TMEM132D: variants seen among roughly 807,000 people sequenced by gnomAD.
The protein encoded by TMEM132D is transmembrane protein 132D.
A neutral mutation model predicts 62.3 loss-of-function variants in TMEM132D; 21 were observed. The ratio of observed to expected loss-of-function variants is 0.34; its 90% CI spans 0.24 to 0.49. The LOEUF is 0.49. TMEM132D is among the 20% of genes least tolerant of loss of function. The pLI is 0.99. For synonymous variants in TMEM132D, 621 were observed against 575.6 expected (o/e 1.08, Z -1.13); for missense variants, 1,346 against 1,402.8 (o/e 0.96, Z 0.65).
intron 2 of TMEM132D, among the ~76,000 whole-genome samples, chr12:129,594,175 T>G (rs1006352496): frequency 6.6e-6 from 1 of 152,178 alleles, no homozygotes; most frequent in African/African-American, 2.4e-5. Flanking sequence ...CCCAGCGCTT[T>G]CCCTGGTTAT....
intron 1 of TMEM132D, among the ~76,000 whole-genome samples, chr12:129,866,411 A>G (rs182465098): frequency 4.9e-5 from 6 of 122,562 alleles, no homozygotes; most frequent in Admixed American, 4.2e-4. Flanking sequence ...CATGGACACA[A>G]GGTGGGGAAC....
chr12:129,313,544 GAT>G (rs201591793), intron 4 of TMEM132D, among the ~76,000 whole-genome samples: 6 of 137,510 alleles, frequency 4.4e-5, no homozygotes, highest in Admixed American at 7.3e-5. Context: ...ATATGTATAT[GAT>G]ATATATATAT....
intron 2 of TMEM132D, among the ~76,000 whole-genome samples, chr12:129,696,865 C>T (rs142041071): frequency 6.6e-5 from 10 of 152,238 alleles, no homozygotes; most frequent in East Asian, 3.9e-4. Flanking sequence ...TGAAAGAAAG[C>T]GTTTTGCTTT....
At chr12:129,313,895 T>C (rs779905194) in intron 4 of TMEM132D, among the ~76,000 whole-genome samples, 17 of 152,178 alleles carry the variant, frequency 1.1e-4, no homozygotes, top group Non-Finnish European at 1.3e-4. Context: ...TCTTTTATTA[T>C]TGTCATTCTT....
chr12:129,822,917 CCCACTTGGATCT>C (rs1332131747), intron 1 of TMEM132D, among the ~76,000 whole-genome samples: 1 of 152,158 alleles, frequency 6.6e-6, no homozygotes, highest in Admixed American at 6.5e-5. Flanking sequence ...GCTCTGCGTT[CCCACTTGGATCT>C]CATGTTCATT....
intron 1 of TMEM132D, among the ~76,000 whole-genome samples, chr12:129,710,501 TGGCCA>T (rs1881614859): frequency 6.6e-6 from 1 of 152,142 alleles, no homozygotes; most frequent in African/African-American, 2.4e-5. Flanking sequence ...TTTGCCATGT[TGGCCA>T]GGCTGGTCTC....
rs549232845 is a variant in TMEM132D at position 129,678,346 on chromosome 12, G to A, written c.968+21464C>T. On this transcript the variant is annotated intron_variant, in intron 2 of 8. Transcript: ENST00000422113. ...CAGATTGCTTAATTTTGGCAATATG[G>A]TAATTATAACATTGAAGCATTATGG... Among the ~76,000 whole-genome samples the A allele has an allele frequency of 2.0e-5, 3 of 152,196 alleles. No homozygotes were observed. The South Asian group carries it at 6.2e-4, about 32-fold the overall frequency.
chr12:129,310,009 T>C (rs893767323), intron 4 of TMEM132D, among the ~76,000 whole-genome samples: 5 of 151,766 alleles, frequency 3.3e-5, no homozygotes, highest in African/African-American at 1.2e-4. Flanking sequence ...CCTAAGCATT[T>C]CCCAAAAAAA....
rs563701382 is a variant in TMEM132D, at chr12:129,130,435, G to C, written c.1444-45733C>G. The stretch of plus-strand genomic sequence containing the variant: ...CATCCTGACTCTGCCCCTCCCTTCT[G>C]CTGTGGAGGAACCCAAGCGCACTCT... On this transcript the variant is annotated intron_variant, in intron 5 of 8. Transcript: ENST00000422113. Among the ~76,000 whole-genome samples, 113 of 152,184 alleles carry C rather than the reference G, an allele frequency of 7.4e-4. 1 individual carries two copies. Among genetic ancestry groups the C allele is most frequent in the South Asian group, 1.2e-3 (6 of 4,808 alleles).
intron 2 of TMEM132D, among the ~76,000 whole-genome samples, chr12:129,644,147 A>G (rs1433851876): frequency 6.6e-6 from 1 of 152,100 alleles, no homozygotes; most frequent in Admixed American, 6.6e-5. Flanking sequence ...TCTTACACAT[A>G]TTGATTAATG....
chr12:129,313,422 A>G (rs913385309), intron 4 of TMEM132D, among the ~76,000 whole-genome samples: 1 of 152,110 alleles, frequency 6.6e-6, no homozygotes, highest in Non-Finnish European at 1.5e-5. Context: ...ACAATGTTTG[A>G]CTTTCCATTC....
At chr12:129,129,519 T>C (rs1194416649) in intron 5 of TMEM132D, among the ~76,000 whole-genome samples, 2 of 152,190 alleles carry the variant, frequency 1.3e-5, no homozygotes, top group Non-Finnish European at 2.9e-5. Context: ...GATGGGATTG[T>C]TGGGTTGAAT....
chr12:129,764,073 C>T (rs1406818646), intron 1 of TMEM132D, among the ~76,000 whole-genome samples: 1 of 152,170 alleles, frequency 6.6e-6, no homozygotes, highest in Non-Finnish European at 1.5e-5. Context: ...ATCTCCTTGC[C>T]AGTTAACCTT....
chr12:129,303,851 TAA>T (rs1881778996), intron 4 of TMEM132D, among the ~76,000 whole-genome samples: 1 of 152,020 alleles, frequency 6.6e-6, no homozygotes, highest in African/African-American at 2.4e-5. Flanking sequence ...GGGTTGAGCA[TAA>T]ATCTCTGTGT....
rs1875443073 is a variant in TMEM132D, at chr12:129,903,515, A to G, written c.-176T>C. The G allele has an allele frequency of 3.2e-6, 2 of 632,692 alleles. No homozygotes were observed. The highest frequency in any genetic ancestry group is 5.5e-6 in the Non-Finnish European group (2 of 364,300). The allele number at this position is 632,692 out of a possible 1,614,324, so 39.2% of individuals were successfully genotyped here. On this transcript the variant is annotated 5_prime_UTR_variant, in exon 1 of 9. Coordinates refer to ENST00000422113, the MANE Select transcript of TMEM132D (RefSeq NM_133448.3). This position sits in a 1 kb window ranked among gnomAD's most constrained non-coding sequence, Gnocchi z 6.2. ...CCCGCCAGTCCATGGCCAGGCCGGG[A>G]GGCGACGACCGCGCGGGCTCCTGAG...
intron 2 of TMEM132D, among the ~76,000 whole-genome samples, chr12:129,641,693 A>G (rs550125500): frequency 8.0e-4 from 122 of 152,238 alleles, no homozygotes; most frequent in African/African-American, 2.8e-3. Context: ...CCAGAGTGAC[A>G]TGGAGCCCTG....
chr12:129,526,526 A>C (rs559950080), intron 3 of TMEM132D, among the ~76,000 whole-genome samples: 7 of 152,024 alleles, frequency 4.6e-5, no homozygotes, highest in African/African-American at 1.4e-4. Context: ...CTCGTCATCC[A>C]CCCACCTCAG....
intron 5 of TMEM132D, among the ~76,000 whole-genome samples, chr12:129,156,038 G>A (rs6486437): frequency 0.99 from 150,394 of 152,060 alleles, 74,399 homozygotes; most frequent in East Asian, 1. Context: ...AACCACTCCC[G>A]TGATAACTGA....
chr12:129,418,751 GA>G (rs71082706), intron 3 of TMEM132D, among the ~76,000 whole-genome samples: 70,113 of 151,772 alleles, frequency 0.46, 16,717 homozygotes, highest in East Asian at 0.76. Context: ...AATAATAAAA[GA>G]AAAGTGGGGC....
Sources: allele counts gnomAD v4.1 joint callset (sites outside exome capture counted in the v4.1 genomes callset), GRCh38; gene constraint gnomAD v4.1.1; non-coding constraint Gnocchi (gnomAD v3.1); transcripts MANE v1.5; gene names NCBI Gene and HGNC (gene_info 2026-07-23, HGNC 2026-07-21).